FKBP5: variants seen among roughly 807,000 people sequenced by gnomAD.
The protein encoded by FKBP5 is FKBP prolyl isomerase 5.
FKBP5 carries 23 observed loss-of-function variants against 50.5 expected under a neutral mutation model. That is an observed-to-expected ratio of 0.46 (90% CI 0.33 to 0.65). FKBP5 has a LOEUF of 0.65. FKBP5 is among the 30% of genes least tolerant of loss of function. The pLI is 0.02. For synonymous variants in FKBP5, 176 were observed against 190.6 expected, an observed-to-expected ratio of 0.92 and a Z score of 0.63; for missense variants, 411 against 553.1, an observed-to-expected ratio of 0.74 and a Z score of 2.58.
chr6:35,627,768 T>C lies in FKBP5; in HGVS notation c.251-7494A>G, dbSNP rs181478525. ...CTCCATATTCTTTATCTTTTCTTTT[T>C]TCTTTTTTTTGAGACATAGTTTCGT... On this transcript the variant is annotated intron_variant, in intron 3 of 10. Coordinates refer to ENST00000357266, the MANE Select transcript of FKBP5 (RefSeq NM_004117.4). 5.9e-5 allele frequency among the ~76,000 whole-genome samples: 9 copies of C among 152,118 alleles called. No individual in the cohort carries two copies. The East Asian group carries it at 1.7e-3, about 29-fold the overall frequency.
chr6:35,618,996 G>A (rs531514587), intron 5 of FKBP5, 100 bp downstream of exon 5: 22 of 792,956 alleles, frequency 2.8e-5, no homozygotes, highest in South Asian at 1.9e-4. Flanking sequence ...GCGCACAGCC[G>A]ATATATTCAT....
intron 1 of FKBP5, among the ~76,000 whole-genome samples, chr6:35,673,573 C>T (rs991979187): frequency 2.0e-5 from 3 of 151,990 alleles, no homozygotes; most frequent in African/African-American, 7.2e-5. Context: ...AACAAAAAGT[C>T]CATTCTTTTG....
intron 7 of FKBP5, among the ~76,000 whole-genome samples, chr6:35,590,253 C>T (rs537927156): frequency 1.3e-4 from 20 of 152,006 alleles, no homozygotes; most frequent in Non-Finnish European, 2.8e-4. Flanking sequence ...GAGCTATGAT[C>T]GCGCTCACTG....
At chr6:35,654,971 G>A (rs1268110900) in intron 1 of FKBP5, among the ~76,000 whole-genome samples, 2 of 152,080 alleles carry the variant, frequency 1.3e-5, no homozygotes, top group Non-Finnish European at 2.9e-5. Flanking sequence ...AGGGTCGCTT[G>A]AGCCCAGGAA....
Position 35,683,632 on chromosome 6 carries a change from A to ATT in FKBP5, c.-20+5170_-20+5171dup, listed in dbSNP as rs777451189. 2.6e-3 allele frequency among the ~76,000 whole-genome samples: 281 copies of ATT among 109,352 alleles called. 4 individuals carry two copies. The highest frequency in any genetic ancestry group is 0.013 in the East Asian group (41 of 3,240). 71.7% of individuals were successfully genotyped at this position (109,352 alleles called of 152,430 possible). A position where few individuals can be genotyped will look rare whatever the true frequency, so the allele number is the denominator to read the frequency against. ...GGGCATGCACTGCCATGACTGGCTA[A>ATT]TTTTTTTTTTTTTTTTTTTTTTTTT... On this transcript the variant is annotated intron_variant, in intron 1 of 10. Coordinates refer to ENST00000357266, the MANE Select transcript of FKBP5 (RefSeq NM_004117.4).
intron 9 of FKBP5, 144 bp downstream of exon 9, chr6:35,579,892 A>G: frequency 1.6e-6 from 1 of 608,476 alleles, no homozygotes; most frequent in Non-Finnish European, 2.8e-6. Flanking sequence ...TCATACTGAG[A>G]AACAAATAAT....
intron 9 of FKBP5, among the ~76,000 whole-genome samples, chr6:35,579,552 TAAAAAG>T (rs1762356145): frequency 6.6e-6 from 1 of 152,058 alleles, no homozygotes; most frequent in African/African-American, 2.4e-5. Context: ...AATGTAAAAA[TAAAAAG>T]GCTGCTGATG....
chr6:35,599,971 A>G (rs1240069241), intron 5 of FKBP5, among the ~76,000 whole-genome samples: 1 of 152,212 alleles, frequency 6.6e-6, no homozygotes, highest in African/African-American at 2.4e-5. Context: ...GAATGTTCTT[A>G]CACAAATCTA....
At chr6:35,631,323 A>G (rs188287724) in intron 3 of FKBP5, among the ~76,000 whole-genome samples, 6 of 152,368 alleles carry the variant, frequency 3.9e-5, no homozygotes, top group Admixed American at 2.0e-4. Context: ...AAAGAAGTCA[A>G]CACCAAAGAT....
chr6:35,670,528 G>A (rs1172760205), intron 1 of FKBP5, among the ~76,000 whole-genome samples: 3 of 151,816 alleles, frequency 2.0e-5, no homozygotes, highest in African/African-American at 4.8e-5. Context: ...GAGGTTAGAA[G>A]TTCGCCCTGG....
chr6:35,667,036 T>C (rs1375168387), intron 1 of FKBP5, among the ~76,000 whole-genome samples: 1 of 150,516 alleles, frequency 6.6e-6, no homozygotes, highest in Non-Finnish European at 1.5e-5. Flanking sequence ...TGTGTGTGTG[T>C]GTGTGTGTGT....
intron 1 of FKBP5, among the ~76,000 whole-genome samples, chr6:35,665,108 G>A (rs1201261016): frequency 6.6e-6 from 1 of 152,084 alleles, no homozygotes; most frequent in Non-Finnish European, 1.5e-5. Context: ...CCTACCTCCA[G>A]ACGGCTCACT....
intron 4 of FKBP5, 100 bp downstream of exon 4, chr6:35,620,032 C>A: frequency 2.1e-6 from 3 of 1,421,444 alleles, no homozygotes; most frequent in Non-Finnish European, 2.0e-6. Context: ...GGATCTGATT[C>A]TCTATAGCAA....
chr6:35,606,813 G>A (rs1763335965), intron 5 of FKBP5, among the ~76,000 whole-genome samples: 3 of 151,660 alleles, frequency 2.0e-5, no homozygotes, highest in African/African-American at 7.3e-5. Flanking sequence ...ATTTCTCGAA[G>A]AACTAAAAAT....
At chr6:35,577,846 G>A (rs935387790) in intron 9 of FKBP5, among the ~76,000 whole-genome samples, 6 of 152,168 alleles carry the variant, frequency 3.9e-5, no homozygotes, top group African/African-American at 1.4e-4. Context: ...CTGAGGTGAG[G>A]AGTTCGAGAC....
chr6:35,723,508 C>T (rs1766649980), intron 1 of FKBP5, among the ~76,000 whole-genome samples: 1 of 152,024 alleles, frequency 6.6e-6, no homozygotes, highest in African/African-American at 2.4e-5. Context: ...CAGAAGGGAT[C>T]TTGGGAAAAT....
chr6:35,596,884 A>C (rs1339137751), intron 6 of FKBP5, among the ~76,000 whole-genome samples: 4 of 152,108 alleles, frequency 2.6e-5, no homozygotes, highest in Non-Finnish European at 5.9e-5. Flanking sequence ...TTTGACTCCC[A>C]ACCCCCATGT....
At chr6:35,605,900 C>A (rs1358182031) in intron 5 of FKBP5, among the ~76,000 whole-genome samples, 1 of 152,150 alleles carries the variant, frequency 6.6e-6, no homozygotes, top group Non-Finnish European at 1.5e-5. Context: ...TACCTCTCAC[C>A]ATATACAAAA....
At chr6:35,578,408 G>A (rs758913979) in intron 9 of FKBP5, among the ~76,000 whole-genome samples, 11 of 152,138 alleles carry the variant, frequency 7.2e-5, no homozygotes, top group Non-Finnish European at 1.5e-4. Context: ...AACTAGAAAG[G>A]AGACGACAAA....
Sources: gnomAD v4.1 joint callset for allele counts (sites outside exome capture counted in the v4.1 genomes callset) on GRCh38, gnomAD v4.1.1 for gene constraint, MANE v1.5 for transcripts, NCBI Gene and HGNC (gene_info 2026-07-23, HGNC 2026-07-21) for gene names.